The following USO1 variants were observed in gnomAD, a reference collection of about 807,000 sequenced individuals.
USO1 encodes general vesicular transport factor p115.
In USO1, 57 loss-of-function variants were observed where a neutral mutation model predicts 124.5. The observed-to-expected ratio is 0.46, with a 90% CI of 0.37 to 0.57. The LOEUF (loss-of-function observed/expected upper bound fraction) is 0.57, where lower values mean the gene tolerates loss of function less well. USO1 is among the 20% of genes least tolerant of loss of function. The probability of loss-of-function intolerance (pLI) is 0.00; values close to 1 mark genes in which losing one functional copy is unlikely to be tolerated. For missense variants in USO1, 900 were observed against 1,040.6 expected (o/e 0.86, Z 1.86); for synonymous variants, 369 against 362.8 (o/e 1.02, Z -0.19).
At chr4:75,800,102 CACA>C (rs1291414424) in intron 14 of USO1, among the ~76,000 whole-genome samples, 1 of 152,060 alleles carries the variant, frequency 6.6e-6, no homozygotes, top group Non-Finnish European at 1.5e-5. Flanking sequence ...TGTGCGCAAC[CACA>C]ACCCGGCTAA....
At chr4:75,732,575 T>C (rs1437462662) in intron 1 of USO1, among the ~76,000 whole-genome samples, 2 of 152,174 alleles carry the variant, frequency 1.3e-5, no homozygotes, top group Non-Finnish European at 2.9e-5. Flanking sequence ...ATTATTTTAG[T>C]CTTACAATAA....
chr4:75,724,700 T>G lies in USO1; in HGVS notation c.-120T>G. On this transcript the variant is annotated 5_prime_UTR_variant, in exon 1 of 24. Coordinates refer to ENST00000514213, the MANE Select transcript of USO1 (RefSeq NM_003715.4). ...GGAGTGGCCGCCGAGTTGGAGGCGG[T>G]GGTGGCAGCAGTAGGAGTGTGTAGA... is the stretch of plus-strand genomic sequence containing the variant. 1 of 977,480 alleles carries G rather than the reference T, an allele frequency of 1.0e-6. No homozygotes were observed. The highest frequency in any genetic ancestry group is 1.5e-6 in the Non-Finnish European group (1 of 666,042). 60.6% of individuals were successfully genotyped at this position (977,480 alleles called of 1,614,324 possible). A position where few individuals can be genotyped will look rare whatever the true frequency, so the allele number is the denominator to read the frequency against.
chr4:75,739,916 A>G (rs1411411908), intron 1 of USO1, among the ~76,000 whole-genome samples: 1 of 152,126 alleles, frequency 6.6e-6, no homozygotes, highest in Admixed American at 6.6e-5. Context: ...GGTGTTCCTA[A>G]GCACAAGAAG....
At chr4:75,806,981 A>G (rs1288486472) in intron 20 of USO1, among the ~76,000 whole-genome samples, 2 of 152,154 alleles carry the variant, frequency 1.3e-5, no homozygotes, top group African/African-American at 2.4e-5. Context: ...AGAATTGGAA[A>G]AGAGAAGAAA....
chr4:75,795,268 AT>A (rs1321467129), intron 13 of USO1: 10 of 696,880 alleles, frequency 1.4e-5, no homozygotes, highest in Non-Finnish European at 2.6e-6. Flanking sequence ...TATTTGAGGG[AT>A]TTTTCCAGAT....
At chr4:75,758,021 T>A (rs1193940069) in intron 4 of USO1, among the ~76,000 whole-genome samples, 1 of 151,998 alleles carries the variant, frequency 6.6e-6, no homozygotes, top group Non-Finnish European at 1.5e-5. Context: ...AAATTTAGAT[T>A]TTTTTTCTTT....
chr4:75,742,912 G>A (rs577742761), intron 1 of USO1, among the ~76,000 whole-genome samples: 71 of 152,116 alleles, frequency 4.7e-4, no homozygotes, highest in African/African-American at 1.5e-3. Flanking sequence ...TTCTTTGGTC[G>A]GTTTCCAAGA....
rs548012039 is a variant in USO1 at position 75,790,494 on chromosome 4, A to T, written c.1086-149A>T. ...AGCAAGCAGTCACTTCACTTCTGTC[A>T]GTTACAGTTTTCTGTGAAATAGAGA... is the stretch of plus-strand genomic sequence containing the variant. On this transcript the variant is annotated intron_variant, in intron 11 of 23. Coordinates refer to ENST00000514213, the MANE Select transcript of USO1 (RefSeq NM_003715.4). 8.5e-6 allele frequency: 11 copies of T among 1,291,972 alleles called. No individual in the cohort carries two copies. In the East Asian group the frequency reaches 2.6e-4, roughly 30 times the overall value. 80.0% of individuals were successfully genotyped at this position (1,291,972 alleles called of 1,614,324 possible). A position where few individuals can be genotyped will look rare whatever the true frequency, so the allele number is the denominator to read the frequency against.
chr4:75,755,376 T>C, intron 3 of USO1: 1 of 507,294 alleles, frequency 2.0e-6, no homozygotes, highest in Non-Finnish European at 3.9e-6. Flanking sequence ...ATTCAGTCTA[T>C]ATGTTGCAAG....
At chr4:75,780,271 T>C (rs910482970) in intron 8 of USO1, among the ~76,000 whole-genome samples, 4 of 151,940 alleles carry the variant, frequency 2.6e-5, no homozygotes, top group African/African-American at 9.7e-5. Context: ...AATAATACTG[T>C]TTTCTTTTTT....
chr4:75,724,732 G>T lies in USO1; in HGVS notation c.-88G>T. ...AGCAGTAGGAGTGTGTAGAGTGCGG[G>T]ATTGGGGCCCAGGCCCTGCGGAGGG... On this transcript the variant is annotated 5_prime_UTR_variant, in exon 1 of 24. Transcript: ENST00000514213. The T allele has an allele frequency of 1.4e-6, 2 of 1,397,224 alleles. No homozygotes were observed. The highest frequency in any genetic ancestry group is 2.5e-5 in the South Asian group (2 of 80,210). 86.6% of individuals were successfully genotyped at this position (1,397,224 alleles called of 1,614,324 possible).
intron 3 of USO1, among the ~76,000 whole-genome samples, chr4:75,753,482 C>T (rs1228941949): frequency 6.6e-6 from 1 of 152,078 alleles, no homozygotes; most frequent in Non-Finnish European, 1.5e-5. Context: ...TTACAGTTAA[C>T]CAAGATCGTC....
At chr4:75,767,990 T>A (rs1721816103) in intron 4 of USO1, among the ~76,000 whole-genome samples, 1 of 152,096 alleles carries the variant, frequency 6.6e-6, no homozygotes, top group Non-Finnish European at 1.5e-5. Flanking sequence ...ATATCTCTGT[T>A]TTTGCAGGTC....
chr4:75,756,113 TGAGTCAA>T lies in USO1; in HGVS notation c.219-1381_219-1375del, dbSNP rs1330312782. 7.6e-5 allele frequency among the ~76,000 whole-genome samples: 11 copies of T among 145,502 alleles called. No homozygotes were observed. The East Asian group carries it at 2.2e-3, about 30-fold the overall frequency. The stretch of plus-strand genomic sequence containing the variant: ...AGAACCCAGGAGGGGGAGCTTGCAG[TGAGTCAA>T]GATCGCGCCACTGCACTCCAGCCTG... On this transcript the variant is annotated intron_variant, in intron 3 of 23. Coordinates refer to ENST00000514213, the MANE Select transcript of USO1 (RefSeq NM_003715.4).
intron 1 of USO1, among the ~76,000 whole-genome samples, chr4:75,732,405 A>G (rs772020822): frequency 5.9e-5 from 9 of 152,144 alleles, no homozygotes; most frequent in Non-Finnish European, 1.2e-4. Context: ...TATCCAGTCC[A>G]CTATTGATGG....
chr4:75,796,313 TCATAATCCCAGAAAG>T (rs1722676540), intron 13 of USO1, among the ~76,000 whole-genome samples: 1 of 111,926 alleles, frequency 8.9e-6, no homozygotes, highest in East Asian at 3.7e-4. Context: ...TAGAACGTTT[TCATAATCCCAGAAAG>T]TTCCATCATG....
intron 12 of USO1, among the ~76,000 whole-genome samples, chr4:75,793,205 CTTTTTTTTTTTTT>C (rs67560505): frequency 1.1e-4 from 10 of 87,728 alleles, no homozygotes; most frequent in South Asian, 4.4e-4. Flanking sequence ...TCTCTCTCTC[CTTTTTTTTTTTTT>C]TTTTTTTTTT....
intron 18 of USO1, among the ~76,000 whole-genome samples, chr4:75,804,713 G>A (rs1722946253): frequency 6.6e-6 from 1 of 152,182 alleles, no homozygotes; most frequent in South Asian, 2.1e-4. Flanking sequence ...GCAAAATGAA[G>A]ATAGTAATAA....
intron 12 of USO1, among the ~76,000 whole-genome samples, chr4:75,792,324 G>C (rs1369005681): frequency 2.0e-5 from 3 of 152,082 alleles, no homozygotes; most frequent in Non-Finnish European, 4.4e-5. Context: ...ATCACCTGAA[G>C]GTAGGAGTTC....
Sources: allele counts gnomAD v4.1 joint callset (sites outside exome capture counted in the v4.1 genomes callset), GRCh38; gene constraint gnomAD v4.1.1; transcripts MANE v1.5; gene names NCBI Gene and HGNC (gene_info 2026-07-23, HGNC 2026-07-21).